Variants in CDH18 observed in about 807,000 individuals in gnomAD.
CDH18 encodes the protein cadherin 18.
In CDH18, 31 loss-of-function variants were observed where a neutral mutation model predicts 67.9. That is an observed-to-expected ratio of 0.46 (90% CI 0.34 to 0.62). The LOEUF (loss-of-function observed/expected upper bound fraction) is 0.62. Ranked by LOEUF, CDH18 falls within the 20% of genes least tolerant of loss-of-function variation. CDH18 has a pLI of 0.01. For missense variants in CDH18, 890 were observed against 975.5 expected, an observed-to-expected ratio of 0.91 and a Z score of 1.17; for synonymous variants, 362 against 347.2, an observed-to-expected ratio of 1.04 and a Z score of -0.48.
intron 2 of CDH18, among the ~76,000 whole-genome samples, chr5:20,096,790 T>C (rs1368724129): frequency 1.3e-5 from 2 of 152,028 alleles, no homozygotes; most frequent in African/African-American, 4.8e-5. Flanking sequence ...AGAAAAAATG[T>C]TACAAGAAAG....
At chr5:20,482,171 C>G (rs545225325) in intron 1 of CDH18, among the ~76,000 whole-genome samples, 2 of 151,718 alleles carry the variant, frequency 1.3e-5, no homozygotes, top group East Asian at 1.9e-4. Flanking sequence ...CTATGCCAAC[C>G]AACTAAAAAA....
intron 1 of CDH18, among the ~76,000 whole-genome samples, chr5:20,413,913 C>T (rs948820443): frequency 6.6e-6 from 1 of 152,060 alleles, no homozygotes; most frequent in African/African-American, 2.4e-5. Context: ...ATGGTATTGC[C>T]TAGGTTTTCT....
In CDH18 at chr5:20,497,317, C is replaced by G. The variant is rs114177076; in HGVS notation, c.-580+78145G>C. Among the ~76,000 whole-genome samples the G allele has an allele frequency of 2.5e-3, 386 of 152,204 alleles. 1 individual carries two copies. The highest frequency in any genetic ancestry group is 9.1e-3 in the African/African-American group (377 of 41,544). On this transcript the variant is annotated intron_variant, in intron 1 of 14. Coordinates refer to the CDH18 transcript ENST00000507958. ...TTAAAATATATCACAGGCTAATTAA[C>G]AATGATTCAGTCAACAACTAACAAT...
At chr5:20,056,489 T>G (rs1354061684) in intron 2 of CDH18, among the ~76,000 whole-genome samples, 4 of 133,414 alleles carry the variant, frequency 3.0e-5, no homozygotes, top group South Asian at 2.5e-4. Flanking sequence ...TTTTTTTTTT[T>G]TTTTTTTTTT....
chr5:20,002,481 C>T (rs1317349679), intron 2 of CDH18, among the ~76,000 whole-genome samples: 1 of 152,164 alleles, frequency 6.6e-6, no homozygotes, highest in African/African-American at 2.4e-5. Flanking sequence ...GTACTAATTA[C>T]ACATACTGCA....
chr5:20,088,673 C>T (rs999514090), intron 2 of CDH18, among the ~76,000 whole-genome samples: 14 of 152,244 alleles, frequency 9.2e-5, no homozygotes, highest in African/African-American at 3.1e-4. Flanking sequence ...TCTGGACTCC[C>T]TCTTCTGTAA....
At chr5:20,037,565 C>CTCA (rs1390281395) in intron 2 of CDH18, among the ~76,000 whole-genome samples, 1 of 151,112 alleles carries the variant, frequency 6.6e-6, no homozygotes, top group East Asian at 1.9e-4. Flanking sequence ...ACTAAAACCA[C>CTCA]ACTATATGGA....
chr5:19,485,445 C>CG (rs1332502444), intron 11 of CDH18, among the ~76,000 whole-genome samples: 1 of 151,858 alleles, frequency 6.6e-6, no homozygotes, highest in Non-Finnish European at 1.5e-5. Flanking sequence ...TTAGTAGAGA[C>CG]GGGGTTTCAC....
chr5:19,888,818 CTTG>C (rs936444765), intron 2 of CDH18, among the ~76,000 whole-genome samples: 1 of 152,018 alleles, frequency 6.6e-6, no homozygotes, highest in Non-Finnish European at 1.5e-5. Context: ...CATTTTTTTA[CTTG>C]TTGTTGATTT....
chr5:19,493,241 T>C (rs563110542), intron 11 of CDH18, among the ~76,000 whole-genome samples: 9 of 152,300 alleles, frequency 5.9e-5, no homozygotes, highest in African/African-American at 2.2e-4. Context: ...TTTCATATCA[T>C]CCTCATTTCC....
intron 1 of CDH18, among the ~76,000 whole-genome samples, chr5:20,281,093 G>T (rs1269231043): frequency 6.6e-6 from 1 of 152,104 alleles, no homozygotes; most frequent in East Asian, 1.9e-4. Context: ...GTTCTTTGTG[G>T]ATTCTGGATA....
intron 5 of CDH18, among the ~76,000 whole-genome samples, chr5:19,647,154 A>G (rs1464946442): frequency 6.6e-6 from 1 of 152,094 alleles, no homozygotes; most frequent in Non-Finnish European, 1.5e-5. Flanking sequence ...ATAAAAGTAG[A>G]CATCCCTAAC....
chr5:20,410,629 C>T (rs1162802398), intron 1 of CDH18, among the ~76,000 whole-genome samples: 1 of 151,250 alleles, frequency 6.6e-6, no homozygotes, highest in East Asian at 1.9e-4. Flanking sequence ...ATTTATTTAA[C>T]ATAATCCTGT....
chr5:20,172,195 T>TAG (rs1736784965), intron 2 of CDH18, among the ~76,000 whole-genome samples: 1 of 46,890 alleles, frequency 2.1e-5, no homozygotes, highest in Non-Finnish European at 3.9e-5. Context: ...TGTGTGTATA[T>TAG]ATATATATAT....
chr5:19,686,980 G>A (rs565301655), intron 5 of CDH18, among the ~76,000 whole-genome samples: 64 of 152,256 alleles, frequency 4.2e-4, no homozygotes, highest in African/African-American at 1.4e-3. Flanking sequence ...CATGACAAGT[G>A]GATGATCACT....
intron 7 of CDH18, among the ~76,000 whole-genome samples, chr5:19,581,714 T>C (rs918354328): frequency 6.6e-6 from 1 of 152,088 alleles, no homozygotes; most frequent in African/African-American, 2.4e-5. Context: ...ATTGTCATCT[T>C]AATCATTAAA....
chr5:20,164,632 T>C (rs1294334240), intron 2 of CDH18, among the ~76,000 whole-genome samples: 1 of 152,172 alleles, frequency 6.6e-6, no homozygotes, highest in African/African-American at 2.4e-5. Flanking sequence ...GTATCAGTTC[T>C]GCATTATTCC....
chr5:20,000,299 C>T (rs1579996802), intron 2 of CDH18, among the ~76,000 whole-genome samples: 1 of 152,086 alleles, frequency 6.6e-6, no homozygotes, highest in Admixed American at 6.5e-5. Flanking sequence ...GATAAAAAAG[C>T]TGTAATTTAT....
At chr5:19,995,543 A>G (rs1735936924) in intron 2 of CDH18, among the ~76,000 whole-genome samples, 1 of 151,326 alleles carries the variant, frequency 6.6e-6, no homozygotes, top group African/African-American at 2.4e-5. Flanking sequence ...CTGTCTGAAC[A>G]TACTACCTCA....
Sources: gnomAD v4.1 joint callset for allele counts (sites outside exome capture counted in the v4.1 genomes callset) on GRCh38, gnomAD v4.1.1 for gene constraint, MANE v1.5 for transcripts, NCBI Gene and HGNC (gene_info 2026-07-23, HGNC 2026-07-21) for gene names.